OR2M3: variants seen among roughly 807,000 people sequenced by gnomAD.
OR2M3 encodes the protein olfactory receptor family 2 subfamily M member 3, also known as olfactory receptor 2M3.
A neutral mutation model predicts 4.3 loss-of-function variants in OR2M3; 1 was observed. The observed-to-expected ratio is 0.23, with a 90% CI of 0.08 to 1.11. OR2M3 has a LOEUF of 1.11. Among genes scored for constraint, OR2M3 ranks in the 50% most tolerant of loss-of-function variants. OR2M3 has a pLI of 0.54. For missense variants in OR2M3, 410 were observed against 390.4 expected, an observed-to-expected ratio of 1.05 and a Z score of -0.42; for synonymous variants, 151 against 139.4, an observed-to-expected ratio of 1.08 and a Z score of -0.59.
In OR2M3 at chr1:248,212,908, A is replaced by T. The variant is rs1235361578; in HGVS notation, c.*8902A>T. On this transcript the variant is annotated 3_prime_UTR_variant, in exon 2 of 2. Coordinates refer to ENST00000641626, the MANE Select transcript of OR2M3 (RefSeq NM_001004689.2). ...TTTTGTTTTATTCATATTATAAAGG[A>T]TTATATATCTGTTGTGGGTGTGAAT... 6.6e-6 allele frequency: 1 copy of T among 151,878 alleles called. No homozygotes were observed. Among genetic ancestry groups the T allele is most frequent in the Non-Finnish European group, 1.5e-5 (1 of 67,960 alleles). The allele number at this position is 151,878 out of a possible 1,614,324, so 9.4% of individuals were successfully genotyped here.
chr1:248,201,404 TTAAC>T (rs1666155028), intron 1 of OR2M3, among the ~76,000 whole-genome samples: 3 of 152,130 alleles, frequency 2.0e-5, no homozygotes, highest in African/African-American at 7.2e-5. Context: ...ATGCCCTTCT[TTAAC>T]TAAGTTTTCT....
chr1:248,200,653 A>C (rs974150822), intron 1 of OR2M3, among the ~76,000 whole-genome samples: 2 of 152,142 alleles, frequency 1.3e-5, no homozygotes, highest in African/African-American at 4.8e-5. Flanking sequence ...CTATCTCATG[A>C]GTGTCACTTA....
rs1035501675 is a variant in OR2M3, at chr1:248,206,707, T to C, written c.*2701T>C. On this transcript the variant is annotated 3_prime_UTR_variant, in exon 2 of 2. Coordinates refer to ENST00000641626, the MANE Select transcript of OR2M3 (RefSeq NM_001004689.2). ...TTCGATATGCTGTGGGATTCAGTTC[T>C]CTAGTATTATGTTGAGGATTTTTGC... 1.3e-5 allele frequency: 2 copies of C among 151,998 alleles called. No individual in the cohort carries two copies. Among genetic ancestry groups the C allele is most frequent in the Non-Finnish European group, 2.9e-5 (2 of 67,888 alleles). The allele number at this position is 151,998 out of a possible 1,614,324, so 9.4% of individuals were successfully genotyped here.
rs1330358321 is a variant in OR2M3 at position 248,203,783 on chromosome 1, C to T, written c.716C>T (p.Thr239Ile). 6.2e-7 allele frequency: 1 copy of T among 1,612,780 alleles called. No individual in the cohort carries two copies. The highest frequency in any genetic ancestry group is 8.5e-7 in the Non-Finnish European group (1 of 1,179,808). Reference sequence around the variant, plus strand: ...GGAGAGGGTCGTCGCAAAGCTTTTACTACTTGTTCCTCTCACCTCTTGGTG... The same window carrying T: ...GGAGAGGGTCGTCGCAAAGCTTTTATTACTTGTTCCTCTCACCTCTTGGTG... ...GSGEGRRKAFTTCSSHLLVVG... is the reference protein window; with the variant it reads ...GSGEGRRKAFITCSSHLLVVG... The change falls in exon 2 of 2, where the codon ACT becomes ATT. Residue 239 changes from threonine (T) to isoleucine (I), a missense_variant. Transcript: ENST00000641626.
In OR2M3 at chr1:248,203,901, C is replaced by T. The variant is rs1236753525; in HGVS notation, c.834C>T (p.Tyr278=). 1 of 1,613,918 alleles carries T rather than the reference C, an allele frequency of 6.2e-7. No individual in the cohort carries two copies. The highest frequency in any genetic ancestry group is 1.7e-5 in the Admixed American group (1 of 59,982). The change falls in exon 2 of 2, where the codon TAC becomes TAT. Residue 278 remains tyrosine (Y), a synonymous_variant. Coordinates refer to ENST00000641626, the MANE Select transcript of OR2M3 (RefSeq NM_001004689.2). The stretch of plus-strand genomic sequence containing the variant: ...AGGACAAGATGGTGTCTGTATTCTA[C>T]ACCATCCTCACTCCCATGTTGAATC... ...PTQDKMVSVF[Y]TILTPMLNPL... is the part of the protein sequence containing the mutation.
Position 248,203,178 on chromosome 1 carries a change from G to A in OR2M3, c.111G>A (p.Val37=). 6.2e-7 allele frequency: 1 copy of A among 1,613,970 alleles called. No individual in the cohort carries two copies. The highest frequency in any genetic ancestry group is 2.2e-5 in the East Asian group (1 of 44,868). ...LFFLVLAIFS[V]AFMGNSVMVL... is the part of the protein sequence containing the mutation. ...TTCTGGTCCTGGCCATCTTTTCAGT[G>A]GCCTTCATGGGAAACTCTGTCATGG... is the stretch of plus-strand genomic sequence containing the variant. The change falls in exon 2 of 2, where the codon GTG becomes GTA. Residue 37 remains valine (V), a synonymous_variant. Coordinates refer to ENST00000641626, the MANE Select transcript of OR2M3 (RefSeq NM_001004689.2).
In OR2M3 at chr1:248,209,801, G is replaced by A. The variant is rs1666260957; in HGVS notation, c.*5795G>A. ...GCCAGGAGGTAGTGCTTTCCAGAGT[G>A]CATCAGCGGCCCTTAGGGAGGATGC... On this transcript the variant is annotated 3_prime_UTR_variant, in exon 2 of 2. Transcript: ENST00000641626. 1 of 152,638 alleles carries A rather than the reference G, an allele frequency of 6.6e-6. No homozygotes were observed. Among genetic ancestry groups the A allele is most frequent in the Non-Finnish European group, 1.5e-5 (1 of 68,340 alleles). 9.5% of individuals were successfully genotyped at this position (152,638 alleles called of 1,614,324 possible).
intron 1 of OR2M3, among the ~76,000 whole-genome samples, chr1:248,201,489 C>T (rs1037287847): frequency 9.9e-5 from 15 of 151,922 alleles, no homozygotes; most frequent in Non-Finnish European, 1.5e-4. Context: ...TACATGTGCA[C>T]AATGTGCAGG....
At position 248,197,307 on chromosome 1, in the gene OR2M3, T is replaced by C. The variant is rs1472506354; in HGVS notation, c.-19+6T>C. The C allele has an allele frequency of 6.6e-6, 1 of 152,138 alleles. No individual in the cohort carries two copies. The highest frequency in any genetic ancestry group is 1.5e-5 in the Non-Finnish European group (1 of 68,008). 9.4% of individuals were successfully genotyped at this position (152,138 alleles called of 1,614,324 possible). On this transcript the variant is annotated splice_donor_region_variant and intron_variant, in intron 1 of 1. Coordinates refer to ENST00000641626, the MANE Select transcript of OR2M3 (RefSeq NM_001004689.2). ...TGAAAATATACACTATTCAGGTAAGTACTAAGAGGTAAGTTAACCAAGCGC... is the reference window on the plus strand; with the variant it reads ...TGAAAATATACACTATTCAGGTAAGCACTAAGAGGTAAGTTAACCAAGCGC...
Position 248,206,867 on chromosome 1 carries a change from AT to A in OR2M3, c.*2862del, listed in dbSNP as rs1666228608. ...AAGGATTCCCTCTTTATCCTTTGGA[AT>A]AGTGTCAATAGGATTGGTATTAATT... On this transcript the variant is annotated 3_prime_UTR_variant, in exon 2 of 2. Coordinates refer to ENST00000641626, the MANE Select transcript of OR2M3 (RefSeq NM_001004689.2). The A allele has an allele frequency of 1.3e-5, 2 of 152,018 alleles. No individual in the cohort carries two copies. Among genetic ancestry groups the A allele is most frequent in the Non-Finnish European group, 2.9e-5 (2 of 67,930 alleles). The allele number at this position is 152,018 out of a possible 1,614,324, so 9.4% of individuals were successfully genotyped here. A position where few individuals can be genotyped will look rare whatever the true frequency, so the allele number is the denominator to read the frequency against.
At position 248,204,046 on chromosome 1, in the gene OR2M3, CT is replaced by C; in HGVS notation, c.*47del. 1.9e-6 allele frequency: 3 copies of C among 1,601,212 alleles called. No individual in the cohort carries two copies. Among genetic ancestry groups the C allele is most frequent in the Non-Finnish European group, 2.6e-6 (3 of 1,170,338 alleles). ...TTCATGTTTTGCTGTGTGCTAAATC[CT>C]TTTTTTAAATGGTCCTATTTTTCCA... On this transcript the variant is annotated 3_prime_UTR_variant, in exon 2 of 2. Transcript: ENST00000641626.
Position 248,197,545 on chromosome 1 carries a change from T to C in OR2M3, c.-19+244T>C, listed in dbSNP as rs569695841. ...GTGTGAAAGATTGGATAAAATCCAT[T>C]ACTTTTGTTTTTCCATGTCCTGGTA... is the stretch of plus-strand genomic sequence containing the variant. On this transcript the variant is annotated intron_variant, in intron 1 of 1. Coordinates refer to ENST00000641626, the MANE Select transcript of OR2M3 (RefSeq NM_001004689.2). Among the ~76,000 whole-genome samples, 8 of 152,320 alleles carry C rather than the reference T, an allele frequency of 5.3e-5. No individual in the cohort carries two copies. The South Asian group carries it at 1.7e-3, about 32-fold the overall frequency.
At position 248,211,110 on chromosome 1, in the gene OR2M3, GA is replaced by G. The variant is rs1350268423; in HGVS notation, c.*7107del. ...AACTCAAAATTTTATTGAGACTCTT[GA>G]AACTCACTTTGGAGTAAAAGTTAAT... is the stretch of plus-strand genomic sequence containing the variant. On this transcript the variant is annotated 3_prime_UTR_variant, in exon 2 of 2. Transcript: ENST00000641626. 2.0e-5 allele frequency: 3 copies of G among 152,156 alleles called. No individual in the cohort carries two copies. The highest frequency in any genetic ancestry group is 6.5e-5 in the Admixed American group (1 of 15,270). 9.4% of individuals were successfully genotyped at this position (152,156 alleles called of 1,614,324 possible).
chr1:248,203,625 C>T lies in OR2M3; in HGVS notation c.558C>T (p.Ile186=). 1 of 1,613,858 alleles carries T rather than the reference C, an allele frequency of 6.2e-7. No individual in the cohort carries two copies. Among genetic ancestry groups the T allele is most frequent in the Non-Finnish European group, 8.5e-7 (1 of 1,179,832 alleles). ...HFFCDFPSLL[I]LSCSDTSIFE... is the part of the protein sequence containing the mutation. Reference sequence around the variant, plus strand: ...TCTGTGACTTCCCCTCCCTACTAATCCTCTCATGCAGTGACACATCAATAT... The same window carrying T: ...TCTGTGACTTCCCCTCCCTACTAATTCTCTCATGCAGTGACACATCAATAT... Residue 186 remains isoleucine (I), a synonymous_variant, in exon 2 of 2, where the codon ATC becomes ATT. Coordinates refer to ENST00000641626, the MANE Select transcript of OR2M3 (RefSeq NM_001004689.2).
rs752575197 is a variant in OR2M3 at position 248,203,094 on chromosome 1, C to T, written c.27C>T (p.Asn9=). ...TGGCAAGGGAGAATTCGACCTTCAA[C>T]TCCGACTTCATCCTCCTGGGAATCT... is the stretch of plus-strand genomic sequence containing the variant. MARENSTF[N]SDFILLGIFN... is the part of the protein sequence containing the mutation. The change falls in exon 2 of 2, where the codon AAC becomes AAT. Residue 9 remains asparagine (N), a synonymous_variant. Transcript: ENST00000641626. The T allele has an allele frequency of 1.2e-6, 2 of 1,613,750 alleles. No homozygotes were observed. Among genetic ancestry groups the T allele is most frequent in the East Asian group, 2.2e-5 (1 of 44,872 alleles).
rs973761481 is a variant in OR2M3 at position 248,206,844 on chromosome 1, G to A, written c.*2838G>A. On this transcript the variant is annotated 3_prime_UTR_variant, in exon 2 of 2. Transcript: ENST00000641626. ...GTGGCTCCACAGAATGATTTACAAA[G>A]GATTCCCTCTTTATCCTTTGGAATA... The A allele has an allele frequency of 1.3e-5, 2 of 151,974 alleles. No homozygotes were observed. The highest frequency in any genetic ancestry group is 2.9e-5 in the Non-Finnish European group (2 of 67,942). 9.4% of individuals were successfully genotyped at this position (151,974 alleles called of 1,614,324 possible). A position where few individuals can be genotyped will look rare whatever the true frequency, so the allele number is the denominator to read the frequency against.
rs1267026974 is a variant in OR2M3 at position 248,208,111 on chromosome 1, C to A, written c.*4105C>A. On this transcript the variant is annotated 3_prime_UTR_variant, in exon 2 of 2. Transcript: ENST00000641626. The stretch of plus-strand genomic sequence containing the variant: ...CTCTTGCTTTAAAGTTTGTTTTTTT[C>A]TAATATAAGAATATCTATTCCTGCT... The A allele has an allele frequency of 6.6e-6, 1 of 151,690 alleles. No individual in the cohort carries two copies. The highest frequency in any genetic ancestry group is 2.4e-5 in the African/African-American group (1 of 41,290). The allele number at this position is 151,690 out of a possible 1,614,324, so 9.4% of individuals were successfully genotyped here. A position where few individuals can be genotyped will look rare whatever the true frequency, so the allele number is the denominator to read the frequency against.
At position 248,208,427 on chromosome 1, in the gene OR2M3, A is replaced by G. The variant is rs1666246387; in HGVS notation, c.*4421A>G. 6.6e-6 allele frequency: 1 copy of G among 152,106 alleles called. No homozygotes were observed. Among genetic ancestry groups the G allele is most frequent in the Non-Finnish European group, 1.5e-5 (1 of 68,006 alleles). 9.4% of individuals were successfully genotyped at this position (152,106 alleles called of 1,614,324 possible). A position where few individuals can be genotyped will look rare whatever the true frequency, so the allele number is the denominator to read the frequency against. On this transcript the variant is annotated 3_prime_UTR_variant, in exon 2 of 2. Transcript: ENST00000641626. ...TTGTTATATAGGTCCTGTAATATTT[A>G]TGCTTTAAGGAGGCTCTATTTGGTG...
At position 248,209,844 on chromosome 1, in the gene OR2M3, A is replaced by G. The variant is rs1264139148; in HGVS notation, c.*5838A>G. 1 of 152,268 alleles carries G rather than the reference A, an allele frequency of 6.6e-6. No homozygotes were observed. The highest frequency in any genetic ancestry group is 6.5e-5 in the Admixed American group (1 of 15,278). The allele number at this position is 152,268 out of a possible 1,614,324, so 9.4% of individuals were successfully genotyped here. On this transcript the variant is annotated 3_prime_UTR_variant, in exon 2 of 2. Coordinates refer to ENST00000641626, the MANE Select transcript of OR2M3 (RefSeq NM_001004689.2). ...GAGGATGCAAACTTGCCCTAGGGAC[A>G]CCTGGTCAAGTATTCAGGTTTCTCA...
Sources: allele counts gnomAD v4.1 joint callset (sites outside exome capture counted in the v4.1 genomes callset), GRCh38; gene constraint gnomAD v4.1.1; transcripts MANE v1.5; gene names NCBI Gene and HGNC (gene_info 2026-07-23, HGNC 2026-07-21).